Variants in ZPBP observed in about 807,000 individuals in gnomAD.
The protein encoded by ZPBP is zona pellucida binding protein.
A neutral mutation model predicts 44.8 loss-of-function variants in ZPBP; 26 were observed. That is an observed-to-expected ratio of 0.58 (90% confidence interval 0.43 to 0.81). The LOEUF (loss-of-function observed/expected upper bound fraction) is 0.81. Ranked by LOEUF, ZPBP falls within the 30% of genes least tolerant of loss-of-function variation. The probability of loss-of-function intolerance (pLI) is 0.00; values close to 1 mark genes in which losing one functional copy is unlikely to be tolerated. For synonymous variants in ZPBP, 174 were observed against 153.2 expected (o/e 1.14, Z -1.00); for missense variants, 409 against 434.0 (o/e 0.94, Z 0.51).
rs1562747805 is a variant in ZPBP at position 49,877,484 on chromosome 7, ATATATATATATATATAT to A, written n.509+23617_509+23633del. Among the ~76,000 whole-genome samples the A allele has an allele frequency of 8.4e-3, 223 of 26,576 alleles. 30 individuals are homozygous for A. The highest frequency in any genetic ancestry group is 0.014 in the Admixed American group (26 of 1,850). 17.4% of individuals were successfully genotyped at this position (26,576 alleles called of 152,430 possible). ...TCTCAAAAAAAAAAAAAAAAAAAAT[ATATATATATATATATAT>A]ATATATATATATATATAGTTATTTG... On this transcript the variant is annotated intron_variant and non_coding_transcript_variant, in intron 2 of 2. Coordinates refer to the ZPBP transcript ENST00000465922.
intron 7 of ZPBP, among the ~76,000 whole-genome samples, chr7:49,958,554 A>G (rs1795707634): frequency 6.6e-6 from 1 of 152,172 alleles, no homozygotes; most frequent in Non-Finnish European, 1.5e-5. Flanking sequence ...TTCTTTGGCC[A>G]TCATGAGATG....
intron 2 of ZPBP, among the ~76,000 whole-genome samples, chr7:49,862,691 A>G (rs691929): frequency 0.053 from 7,991 of 151,360 alleles, 704 homozygotes; most frequent in African/African-American, 0.18. Context: ...GGATTTTGTT[A>G]AATGCTTTAT....
chr7:50,083,076 G>A (rs17133675), intron 2 of ZPBP, among the ~76,000 whole-genome samples: 7,137 of 151,746 alleles, frequency 0.047, 189 homozygotes, highest in African/African-American at 0.067. Flanking sequence ...TGGAGACTCA[G>A]CATAAGTATA....
At chr7:49,912,376 A>G in intron 1 of ZPBP, 1 of 550,278 alleles carries the variant, frequency 1.8e-6, no homozygotes, top group East Asian at 3.2e-5. Flanking sequence ...AACATCAACA[A>G]GAACTTTGGG....
At chr7:49,890,736 A>C (rs1173304583) in intron 2 of ZPBP, among the ~76,000 whole-genome samples, 2 of 152,138 alleles carry the variant, frequency 1.3e-5, no homozygotes, top group Non-Finnish European at 2.9e-5. Flanking sequence ...AAAACAAAAA[A>C]AAAAAAAACT....
chr7:49,886,205 C>A (rs138419904), intron 2 of ZPBP, among the ~76,000 whole-genome samples: 6 of 152,232 alleles, frequency 3.9e-5, no homozygotes, highest in Non-Finnish European at 7.4e-5. Flanking sequence ...AGTGAGGGGA[C>A]CTTGGTAAGC....
chr7:50,031,991 G>A (rs1371839248), intron 4 of ZPBP, among the ~76,000 whole-genome samples: 3 of 152,224 alleles, frequency 2.0e-5, no homozygotes, highest in African/African-American at 4.8e-5. Context: ...TCAAACAAGG[G>A]AGACTTCCCT....
intron 7 of ZPBP, chr7:49,942,573 C>T (rs1794934355): frequency 6.6e-6 from 1 of 152,460 alleles, no homozygotes; most frequent in South Asian, 2.1e-4. Flanking sequence ...ATTCTGACTC[C>T]TGAAAACTTT....
At chr7:50,053,520 T>C (rs913458833) in intron 4 of ZPBP, among the ~76,000 whole-genome samples, 3 of 152,234 alleles carry the variant, frequency 2.0e-5, no homozygotes, top group Non-Finnish European at 4.4e-5. Flanking sequence ...AATGGTTACA[T>C]TATTTCCTTA....
intron 6 of ZPBP, among the ~76,000 whole-genome samples, chr7:49,990,102 T>A (rs1036432773): frequency 6.6e-6 from 1 of 152,128 alleles, no homozygotes. Context: ...GAAAACTGGA[T>A]CTAAGGGATC....
chr7:50,031,086 A>T lies in ZPBP; in HGVS notation c.706+6T>A. 1 of 1,612,806 alleles carries T rather than the reference A, an allele frequency of 6.2e-7. No homozygotes were observed. Among genetic ancestry groups the T allele is most frequent in the Non-Finnish European group, 8.5e-7 (1 of 1,179,458 alleles). Reference sequence around the variant, plus strand: ...TTTGCTTTTCTAACAAATTGTATAGACTTACCTGAAAATGCAAAGAACAAT... The same window carrying T: ...TTTGCTTTTCTAACAAATTGTATAGTCTTACCTGAAAATGCAAAGAACAAT... On this transcript the variant is annotated splice_donor_region_variant and intron_variant, in intron 5 of 7. Coordinates refer to ENST00000046087, the MANE Select transcript of ZPBP (RefSeq NM_007009.3).
chr7:49,891,001 A>G (rs1453442980), intron 2 of ZPBP, among the ~76,000 whole-genome samples: 1 of 152,210 alleles, frequency 6.6e-6, no homozygotes, highest in Non-Finnish European at 1.5e-5. Context: ...AAGAACTACT[A>G]AGGCCATAGA....
chr7:49,904,813 G>A (rs894712563), intron 1 of ZPBP, among the ~76,000 whole-genome samples: 4 of 146,706 alleles, frequency 2.7e-5, no homozygotes, highest in Non-Finnish European at 4.4e-5. Context: ...TCGGCTCACT[G>A]CAACCTCCTC....
intron 7 of ZPBP, among the ~76,000 whole-genome samples, chr7:49,954,434 G>A (rs540222439): frequency 2.0e-5 from 3 of 152,176 alleles, no homozygotes; most frequent in East Asian, 1.9e-4. Context: ...AAAAGAAAGC[G>A]CACGTAACTT....
intron 3 of ZPBP, among the ~76,000 whole-genome samples, chr7:50,071,454 A>C (rs1436301983): frequency 6.6e-6 from 1 of 152,118 alleles, no homozygotes; most frequent in African/African-American, 2.4e-5. Flanking sequence ...GCTACAAAAC[A>C]TAGGTGAGTC....
At chr7:50,028,432 T>C (rs1218535422) in intron 5 of ZPBP, among the ~76,000 whole-genome samples, 1 of 152,016 alleles carries the variant, frequency 6.6e-6, no homozygotes, top group Non-Finnish European at 1.5e-5. Flanking sequence ...AAGACTAAGA[T>C]GCCAATTGTG....
intron 3 of ZPBP, among the ~76,000 whole-genome samples, chr7:50,076,712 A>T (rs1436653419): frequency 1.3e-5 from 2 of 151,790 alleles, no homozygotes; most frequent in African/African-American, 4.8e-5. Context: ...CTCTATAATG[A>T]AAACTATAAA....
At chr7:50,007,572 G>A (rs1798363382) in intron 6 of ZPBP, among the ~76,000 whole-genome samples, 3 of 151,856 alleles carry the variant, frequency 2.0e-5, no homozygotes, top group Admixed American at 1.3e-4. Flanking sequence ...GCAAGACAAA[G>A]ACTACATGAA....
At chr7:49,953,352 CATCT>C (rs1205644250) in intron 7 of ZPBP, among the ~76,000 whole-genome samples, 1 of 152,082 alleles carries the variant, frequency 6.6e-6, no homozygotes, top group Non-Finnish European at 1.5e-5. Flanking sequence ...GGAAGAGGAA[CATCT>C]ATTTTGATAG....
Sources: allele counts gnomAD v4.1 joint callset (sites outside exome capture counted in the v4.1 genomes callset), GRCh38; gene constraint gnomAD v4.1.1; transcripts MANE v1.5; gene names NCBI Gene and HGNC (gene_info 2026-07-23, HGNC 2026-07-21).